MECOM: variants seen among roughly 807,000 people sequenced by gnomAD.
MECOM encodes the protein MDS1 and EVI1 complex locus, also known as histone-lysine N-methyltransferase MECOM.
In MECOM, 13 loss-of-function variants were observed where a neutral mutation model predicts 116.3. The ratio of observed to expected loss-of-function variants is 0.11; its 90% CI spans 0.07 to 0.18. The LOEUF (loss-of-function observed/expected upper bound fraction) is 0.18, where lower values mean the gene tolerates loss of function less well. MECOM is among the 10% of genes least tolerant of loss of function. MECOM has a pLI of 1.00. For synonymous variants in MECOM, 528 were observed against 535.2 expected (o/e 0.99, Z 0.19); for missense variants, 1,299 against 1,509.0 (o/e 0.86, Z 2.31).
At chr3:169,587,242 T>C (rs955278319) in intron 1 of MECOM, among the ~76,000 whole-genome samples, 2 of 152,204 alleles carry the variant, frequency 1.3e-5, no homozygotes, top group South Asian at 2.1e-4. Context: ...ATGATCATAC[T>C]GTATTTTGAT....
At chr3:169,101,123 T>C (rs1441232980) in intron 11 of MECOM, among the ~76,000 whole-genome samples, 161 bp from the exon 12 acceptor site, 1 of 151,414 alleles carries the variant, frequency 6.6e-6, no homozygotes, top group Non-Finnish European at 1.5e-5. Context: ...TCACAGATAT[T>C]AATATAAATA....
chr3:169,663,549 CCTGTT>C lies in MECOM; in HGVS notation c.-182_-178del. On this transcript the variant is annotated 5_prime_UTR_variant, in exon 1 of 17. Coordinates refer to ENST00000651503, the MANE Select transcript of MECOM (RefSeq NM_004991.4). ...CTCTCTCCCTCCCTCCTGTTTCTCT[CCTGTT>C]TCTCTCTCTCTTCCACACACTCACT... 1.7e-6 allele frequency: 1 copy of C among 579,418 alleles called. No homozygotes were observed. Among genetic ancestry groups the C allele is most frequent in the South Asian group, 2.0e-5 (1 of 49,824 alleles). 35.9% of individuals were successfully genotyped at this position (579,418 alleles called of 1,614,324 possible).
At chr3:169,185,901 C>T (rs1746636146) in intron 2 of MECOM, among the ~76,000 whole-genome samples, 1 of 152,210 alleles carries the variant, frequency 6.6e-6, no homozygotes, top group Non-Finnish European at 1.5e-5. Flanking sequence ...TTCATGGGCT[C>T]TGCCATGCTT....
At chr3:169,540,305 G>T (rs577053345) in intron 1 of MECOM, among the ~76,000 whole-genome samples, 33 of 152,130 alleles carry the variant, frequency 2.2e-4, no homozygotes, top group African/African-American at 7.5e-4. Context: ...AACCAAGCAG[G>T]AGTTCTGGCA....
intron 5 of MECOM, among the ~76,000 whole-genome samples, chr3:169,125,281 C>G (rs773795143): frequency 6.6e-6 from 1 of 152,014 alleles, no homozygotes; most frequent in Non-Finnish European, 1.5e-5. Context: ...CAACAACTGT[C>G]GTTAACATTG....
Position 169,507,650 on chromosome 3 carries a change from C to CTTTTTTTT in MECOM, c.38-126134_38-126127dup, listed in dbSNP as rs1165167849. Among the ~76,000 whole-genome samples the CTTTTTTTT allele has an allele frequency of 2.8e-3, 159 of 57,132 alleles. 19 individuals carry two copies. Among genetic ancestry groups the CTTTTTTTT allele is most frequent in the African/African-American group, 6.0e-3 (73 of 12,232 alleles). The allele number at this position is 57,132 out of a possible 152,430, so 37.5% of individuals were successfully genotyped here. A position where few individuals can be genotyped will look rare whatever the true frequency, so the allele number is the denominator to read the frequency against. ...CAATTTTGGTTTAAATCCCCACTTGCTTTTTTTTTTTTTTTTTTTTTTTTT... is the reference window on the plus strand; with the variant it reads ...CAATTTTGGTTTAAATCCCCACTTGCTTTTTTTTTTTTTTTTTTTTTTTTTTTTTTTTT... On this transcript the variant is annotated intron_variant, in intron 1 of 16. Transcript: ENST00000651503.
At chr3:169,237,770 T>A (rs1448876710) in intron 2 of MECOM, among the ~76,000 whole-genome samples, 2 of 152,170 alleles carry the variant, frequency 1.3e-5, no homozygotes, top group East Asian at 3.9e-4. Flanking sequence ...TTTAAAGTTA[T>A]ATAGTTCACC....
chr3:169,480,912 T>C (rs558152097), intron 1 of MECOM, among the ~76,000 whole-genome samples: 5 of 152,318 alleles, frequency 3.3e-5, no homozygotes, highest in African/African-American at 1.2e-4. Flanking sequence ...GGCTTGTTTG[T>C]TATTTGTTGT....
intron 1 of MECOM, chr3:169,566,190 C>G (rs1291277466): frequency 4.3e-6 from 1 of 233,580 alleles, no homozygotes; most frequent in African/African-American, 2.4e-5. Context: ...CCAGGCTCCT[C>G]CCTCGACAAG....
chr3:169,591,089 C>T (rs527882593), intron 1 of MECOM, among the ~76,000 whole-genome samples: 58 of 152,218 alleles, frequency 3.8e-4, no homozygotes, highest in African/African-American at 1.3e-3. Context: ...CAACTTGATC[C>T]TATGGAAAGG....
chr3:169,486,023 T>C (rs1752318212), intron 1 of MECOM, among the ~76,000 whole-genome samples: 1 of 132,290 alleles, frequency 7.6e-6, no homozygotes, highest in East Asian at 2.2e-4. Context: ...TATATGTATA[T>C]ATAGTATATA....
intron 1 of MECOM, among the ~76,000 whole-genome samples, chr3:169,655,608 A>G (rs1256717408): frequency 6.6e-6 from 1 of 152,206 alleles, no homozygotes; most frequent in East Asian, 1.9e-4. Flanking sequence ...TCAAGTTTTC[A>G]GAACAAATTT....
chr3:169,575,509 C>G (rs1460869086), intron 1 of MECOM, among the ~76,000 whole-genome samples: 1 of 152,202 alleles, frequency 6.6e-6, no homozygotes, highest in Non-Finnish European at 1.5e-5. Context: ...GCCTTCTTTG[C>G]TAATGAGCTA....
chr3:169,173,502 A>G (rs1201088014), intron 2 of MECOM, among the ~76,000 whole-genome samples: 1 of 152,136 alleles, frequency 6.6e-6, no homozygotes, highest in East Asian at 1.9e-4. Flanking sequence ...TCAGTCTGGC[A>G]ACTCTGAAAA....
chr3:169,185,276 A>T (rs182137749), intron 2 of MECOM, among the ~76,000 whole-genome samples: 29 of 152,242 alleles, frequency 1.9e-4, no homozygotes, highest in Admixed American at 1.8e-3. Context: ...AGAACTGTGG[A>T]GGGGAGAATA....
chr3:169,119,130 A>T (rs996932555), intron 7 of MECOM, among the ~76,000 whole-genome samples: 21 of 152,220 alleles, frequency 1.4e-4, no homozygotes, highest in African/African-American at 4.3e-4. Context: ...TTACCTTAGC[A>T]CTGGTGACTT....
At chr3:169,410,228 A>C (rs1473858011) in intron 1 of MECOM, among the ~76,000 whole-genome samples, 5 of 152,230 alleles carry the variant, frequency 3.3e-5, no homozygotes, top group African/African-American at 1.2e-4. Flanking sequence ...ATTGTACCTT[A>C]ACTTGAATTA....
intron 1 of MECOM, among the ~76,000 whole-genome samples, chr3:169,661,309 C>A (rs1304133539): frequency 2.7e-4 from 39 of 142,832 alleles, no homozygotes; most frequent in Admixed American, 2.0e-3. Flanking sequence ...GCCAACTCCC[C>A]CCCCCACACA....
chr3:169,526,263 C>G (rs1757959131), intron 1 of MECOM, among the ~76,000 whole-genome samples: 1 of 152,038 alleles, frequency 6.6e-6, no homozygotes, highest in African/African-American at 2.4e-5. Context: ...CAGTCAGGTT[C>G]CTGGACAGTG....
Sources: gnomAD v4.1 joint callset for allele counts (sites outside exome capture counted in the v4.1 genomes callset) on GRCh38, gnomAD v4.1.1 for gene constraint, MANE v1.5 for transcripts, NCBI Gene and HGNC (gene_info 2026-07-23, HGNC 2026-07-21) for gene names.